RBM6: variants seen among roughly 807,000 people sequenced by gnomAD.
RBM6 encodes the protein RNA-binding protein 6.
A neutral mutation model predicts 140.4 loss-of-function variants in RBM6; 23 were observed. The observed-to-expected ratio is 0.16, with a 90% CI of 0.12 to 0.23. RBM6 has a LOEUF of 0.23. Ranked by LOEUF, RBM6 falls within the 10% of genes least tolerant of loss-of-function variation. RBM6 has a pLI of 1.00. For missense variants in RBM6, 1,139 were observed against 1,386.7 expected (o/e 0.82, Z 2.84); for synonymous variants, 439 against 475.6 (o/e 0.92, Z 1.00).
At position 50,034,995 on chromosome 3, in the gene RBM6, C is replaced by CCCTCTCCTCTCCTCT. The variant is rs58547431; in HGVS notation, c.1558-13243_1558-13229dup. ...TTCTCCTCTCCTCTCCTCTCCTCTT[C>CCCTCTCCTCTCCTCT]CCTCTCCTCTCCTCTCCTCTCATCT... On this transcript the variant is annotated intron_variant, in intron 6 of 20. Coordinates refer to ENST00000266022, the MANE Select transcript of RBM6 (RefSeq NM_005777.3). 2.3e-3 allele frequency among the ~76,000 whole-genome samples: 289 copies of CCCTCTCCTCTCCTCT among 126,830 alleles called. 4 individuals are homozygous for CCCTCTCCTCTCCTCT. The highest frequency in any genetic ancestry group is 0.014 in the Middle Eastern group (3 of 222). The allele number at this position is 126,830 out of a possible 152,430, so 83.2% of individuals were successfully genotyped here.
chr3:49,999,665 T>A, intron 6 of RBM6, 152 bp downstream of exon 6: 2 of 694,280 alleles, frequency 2.9e-6, no homozygotes, highest in Non-Finnish European at 4.9e-6. Context: ...GGAAAATCTT[T>A]AAAAAGGCTG....
At chr3:50,048,495 A>G (rs114734706) in intron 7 of RBM6, among the ~76,000 whole-genome samples, 176 bp downstream of exon 7, 1,843 of 152,254 alleles carry the variant, frequency 0.012, 24 homozygotes, top group African/African-American at 0.041. Flanking sequence ...TCTCCTTCCC[A>G]GCTGCTACAT....
intron 6 of RBM6, among the ~76,000 whole-genome samples, chr3:50,006,146 T>C: frequency 7.1e-6 from 1 of 140,498 alleles, no homozygotes; most frequent in African/African-American, 2.8e-5. Context: ...GATTGAGACT[T>C]TTTTTTTTTT....
At chr3:50,039,482 A>ACC (rs10546220) in intron 6 of RBM6, among the ~76,000 whole-genome samples, 5 of 122,222 alleles carry the variant, frequency 4.1e-5, no homozygotes, top group Non-Finnish European at 5.4e-5. Context: ...CAGGTGATCC[A>ACC]CCCCCCCCCC....
chr3:50,044,054 G>C, intron 6 of RBM6, among the ~76,000 whole-genome samples: 1 of 151,468 alleles, frequency 6.6e-6, no homozygotes, highest in East Asian at 2.0e-4. Flanking sequence ...CTAATTTTTT[G>C]TATTTTAGTA....
chr3:49,986,518 C>T (rs571074226), intron 5 of RBM6, among the ~76,000 whole-genome samples: 7 of 151,024 alleles, frequency 4.6e-5, no homozygotes, highest in African/African-American at 1.7e-4. Context: ...TGGCATGAAC[C>T]CGGGAGGCAG....
chr3:50,016,475 TG>T (rs1193422877), intron 6 of RBM6, among the ~76,000 whole-genome samples: 2 of 151,368 alleles, frequency 1.3e-5, no homozygotes, highest in African/African-American at 4.8e-5. Flanking sequence ...AAAGTGGGAC[TG>T]CTAGATCATA....
intron 19 of RBM6, 78 bp from the exon 20 acceptor site, chr3:50,075,123 T>C (rs1475790259): frequency 3.3e-6 from 5 of 1,537,142 alleles, no homozygotes; most frequent in Non-Finnish European, 4.4e-6. Flanking sequence ...GCCATTGCAC[T>C]CCAGCCTGGG....
chr3:49,944,713 T>A (rs1430644472), intron 1 of RBM6, among the ~76,000 whole-genome samples: 1 of 151,952 alleles, frequency 6.6e-6, no homozygotes, highest in Non-Finnish European at 1.5e-5. Flanking sequence ...TGACCTCAGG[T>A]GATCAACCTG....
chr3:50,014,267 C>G (rs1310490758), intron 6 of RBM6, among the ~76,000 whole-genome samples: 1 of 152,140 alleles, frequency 6.6e-6, no homozygotes, highest in Admixed American at 6.5e-5. Context: ...ACGAGCTTAG[C>G]CTGTGTCCTT....
chr3:50,031,785 TA>T (rs2088182657), intron 6 of RBM6, among the ~76,000 whole-genome samples: 1 of 152,180 alleles, frequency 6.6e-6, no homozygotes, highest in Non-Finnish European at 1.5e-5. Flanking sequence ...AATAATGACT[TA>T]ATTGTACATT....
At chr3:49,954,743 G>A (rs973673758) in intron 1 of RBM6, among the ~76,000 whole-genome samples, 1 of 151,238 alleles carries the variant, frequency 6.6e-6, no homozygotes. Context: ...CAGATATCAG[G>A]TTACAAATAT....
intron 1 of RBM6, among the ~76,000 whole-genome samples, chr3:49,942,582 T>G (rs982186742): frequency 6.6e-6 from 1 of 151,590 alleles, no homozygotes; most frequent in Non-Finnish European, 1.5e-5. Flanking sequence ...TCTGAAACTT[T>G]AGTATCTCAA....
chr3:49,955,884 G>GTA (rs1194346357), intron 1 of RBM6, among the ~76,000 whole-genome samples: 1 of 151,156 alleles, frequency 6.6e-6, no homozygotes, highest in African/African-American at 2.4e-5. Context: ...GTGTGTGTGT[G>GTA]TATATGTATA....
chr3:50,062,976 G>A (rs1308599823), intron 15 of RBM6, among the ~76,000 whole-genome samples: 5 of 142,408 alleles, frequency 3.5e-5, no homozygotes, highest in Non-Finnish European at 3.0e-5. Context: ...TCACTTCTAC[G>A]TCAAACCCAT....
chr3:50,021,861 TCTC>T (rs1461959170), intron 6 of RBM6, among the ~76,000 whole-genome samples: 1 of 140,804 alleles, frequency 7.1e-6, no homozygotes, highest in Non-Finnish European at 1.5e-5. Flanking sequence ...TTCAGGAAAT[TCTC>T]CTGCCTAGCC....
At chr3:50,068,490 T>G (rs1314001729) in intron 17 of RBM6, among the ~76,000 whole-genome samples, 200 bp from the exon 18 acceptor site, 1 of 152,240 alleles carries the variant, frequency 6.6e-6, no homozygotes, top group Non-Finnish European at 1.5e-5. Context: ...AAAATGATAT[T>G]CCTCTTATGC....
intron 7 of RBM6, among the ~76,000 whole-genome samples, chr3:50,053,322 G>A (rs887423474): frequency 3.3e-5 from 5 of 151,980 alleles, no homozygotes; most frequent in Admixed American, 6.6e-5. Flanking sequence ...ACCTGAGGTC[G>A]GGAGTTCGAG....
intron 1 of RBM6, among the ~76,000 whole-genome samples, chr3:49,962,262 A>G (rs140172111): frequency 1.0e-4 from 15 of 150,148 alleles, no homozygotes; most frequent in African/African-American, 3.7e-4. Context: ...ACCACAGTAA[A>G]CCCCGTCTCT....
Sources: allele counts gnomAD v4.1 joint callset (sites outside exome capture counted in the v4.1 genomes callset), GRCh38; gene constraint gnomAD v4.1.1; transcripts MANE v1.5; gene names NCBI Gene and HGNC (gene_info 2026-07-23, HGNC 2026-07-21).